TYK2: variants seen among roughly 807,000 people sequenced by gnomAD.
TYK2 encodes tyrosine kinase 2, also known as non-receptor tyrosine-protein kinase TYK2.
Under a neutral mutation model 130.9 loss-of-function variants are expected in TYK2, and 65 were observed. The ratio of observed to expected loss-of-function variants is 0.50; its 90% CI spans 0.41 to 0.61. The LOEUF is 0.61. TYK2 is among the 20% of genes least tolerant of loss of function. TYK2 has a pLI of 0.00. For synonymous variants in TYK2, 647 were observed against 658.9 expected, an observed-to-expected ratio of 0.98 and a Z score of 0.28; for missense variants, 1,378 against 1,610.7, an observed-to-expected ratio of 0.86 and a Z score of 2.47.
chr19:10,369,739 G>A (rs1366555837), intron 3 of TYK2: 4 of 453,754 alleles, frequency 8.8e-6, no homozygotes, highest in African/African-American at 2.0e-5. Flanking sequence ...TTCTACTGAT[G>A]TCATTTAAAA....
At chr19:10,378,701 C>T (rs1173971172) in intron 2 of TYK2, among the ~76,000 whole-genome samples, 8 of 152,172 alleles carry the variant, frequency 5.3e-5, no homozygotes, top group Admixed American at 5.2e-4. Flanking sequence ...TCTGCTCTGG[C>T]CAGGTACAGT....
chr19:10,354,654 C>A, intron 18 of TYK2, 45 bp from the exon 19 acceptor site: 1 of 1,515,282 alleles, frequency 6.6e-7, no homozygotes, highest in South Asian at 1.1e-5. Flanking sequence ...GATCCTTTCC[C>A]CAGCAGGCCC....
Position 10,362,549 on chromosome 19 carries a change from C to G in TYK2, c.1476G>C (p.Gln492His). Residue 492 changes from glutamine to histidine, a missense_variant and splice_region_variant, in exon 10 of 25, where the codon CAG (glutamine) becomes CAC (histidine). Coordinates refer to ENST00000525621, the MANE Select transcript of TYK2 (RefSeq NM_003331.5). ...CCCCAGCCCCCAGCCCTGGGCTCAC[C>G]TGGCTACGCTGGGCCACTGTGAGGA... ...RLILTVAQRS[Q>H]APDGMQSLRL... 3 of 1,554,738 alleles carry G rather than the reference C, an allele frequency of 1.9e-6. No homozygotes were observed. The highest frequency in any genetic ancestry group is 2.6e-6 in the Non-Finnish European group (3 of 1,148,754).
Position 10,353,050 on chromosome 19 carries a change from C to A in TYK2, c.3076G>T (p.Ala1026Ser). 6.3e-7 allele frequency: 1 copy of A among 1,589,962 alleles called. No homozygotes were observed. The highest frequency in any genetic ancestry group is 8.6e-7 in the Non-Finnish European group (1 of 1,166,808). ...AQHYIHRDLAARNVLLDNDRL... is the reference protein window; with the variant it reads ...AQHYIHRDLASRNVLLDNDRL... ...TCGTTGTCCAGCAGCACGTTGCGCG[C>A]GGCTAGGTCTCGGTGGATGTAGTGC... The change falls in exon 22 of 25, where the codon GCG (alanine) becomes TCG (serine). Residue 1026 changes from alanine (A) to serine (S), a missense_variant. Coordinates refer to ENST00000525621, the MANE Select transcript of TYK2 (RefSeq NM_003331.5). This position sits in a 1 kb window ranked among gnomAD's most constrained non-coding sequence, Gnocchi z 6.9.
rs1349839683 is a variant in TYK2 at position 10,364,086 on chromosome 19, C to G, written c.1367+528G>C. ...AGGACCCCGCTGAGATGGTGACTCA[C>G]AAGTTACCAGCACAGGCAGCCGCCT... On this transcript the variant is annotated intron_variant, in intron 9 of 24. Coordinates refer to ENST00000525621, the MANE Select transcript of TYK2 (RefSeq NM_003331.5). This position sits in a 1 kb window ranked among gnomAD's most constrained non-coding sequence, Gnocchi z 4.9. Among the ~76,000 whole-genome samples, 2 of 152,238 alleles carry G rather than the reference C, an allele frequency of 1.3e-5. No individual in the cohort carries two copies. Among genetic ancestry groups the G allele is most frequent in the Admixed American group, 6.5e-5 (1 of 15,280 alleles).
chr19:10,353,469 G>T lies in TYK2; in HGVS notation c.3027+59C>A. 1 of 1,295,846 alleles carries T rather than the reference G, an allele frequency of 7.7e-7. No homozygotes were observed. Among genetic ancestry groups the T allele is most frequent in the Non-Finnish European group, 1.0e-6 (1 of 959,122 alleles). 80.3% of individuals were successfully genotyped at this position (1,295,846 alleles called of 1,614,324 possible). A position where few individuals can be genotyped will look rare whatever the true frequency, so the allele number is the denominator to read the frequency against. ...GAGCAGACTGCACCGGATCGCTCAG[G>T]CCAGCCCAAGCTGAAGAGGAAGGGG... is the stretch of plus-strand genomic sequence containing the variant. On this transcript the variant is annotated intron_variant, in intron 21 of 24. Transcript: ENST00000525621. The surrounding 1 kb of genome is among the most constrained non-coding windows in gnomAD (Gnocchi z 6.9).
Position 10,358,054 on chromosome 19 carries a change from A to G in TYK2, c.2260T>C (p.Phe754Leu). The G allele has an allele frequency of 6.2e-7, 1 of 1,613,438 alleles. No homozygotes were observed. ...RLGLAEGTSP[F>L]IKLSDPGVGL... ...ACGCCAGGATCACTCAGCTTGATGA[A>G]GGGGCTGGTGCCCTCTGCCAACCCC... Residue 754 changes from phenylalanine to leucine, a missense_variant, in exon 16 of 25, where the codon TTC becomes CTC. Coordinates refer to ENST00000525621, the MANE Select transcript of TYK2 (RefSeq NM_003331.5).
At chr19:10,370,057 A>C (rs924277063) in intron 3 of TYK2, among the ~76,000 whole-genome samples, 6 of 150,124 alleles carry the variant, frequency 4.0e-5, no homozygotes, top group South Asian at 2.1e-4. Context: ...CAACACAACA[A>C]AACAAAACAA....
In TYK2 at chr19:10,353,364, T is replaced by C; in HGVS notation, c.3027+164A>G. 1.8e-6 allele frequency: 1 copy of C among 571,290 alleles called. No homozygotes were observed. Among genetic ancestry groups the C allele is most frequent in the South Asian group, 3.2e-5 (1 of 30,958 alleles). 35.4% of individuals were successfully genotyped at this position (571,290 alleles called of 1,614,324 possible). ...TGCGTGGTCCCTTGGGAGGAGGGGG[T>C]GTGGCCAAGCAAGCCAAACAGTTCG... On this transcript the variant is annotated intron_variant, in intron 21 of 24. Transcript: ENST00000525621. This position sits in a 1 kb window ranked among gnomAD's most constrained non-coding sequence, Gnocchi z 6.9.
At chr19:10,378,062 A>ATGGG (rs2042234259) in intron 3 of TYK2, 152 bp downstream of exon 3, 3 of 677,396 alleles carry the variant, frequency 4.4e-6, no homozygotes, top group South Asian at 1.8e-5. Flanking sequence ...GGGAGGGTGG[A>ATGGG]TGGGTGGGTG....
intron 3 of TYK2, among the ~76,000 whole-genome samples, chr19:10,373,948 C>A (rs1050617944): frequency 4.6e-5 from 7 of 152,080 alleles, no homozygotes. Context: ...TCACATCACC[C>A]GCACACCTGT....
chr19:10,352,257 T>C (rs1310956113), intron 23 of TYK2, among the ~76,000 whole-genome samples, 177 bp downstream of exon 23: 1 of 149,858 alleles, frequency 6.7e-6, no homozygotes, highest in East Asian at 2.0e-4. Flanking sequence ...GTATTTTTAG[T>C]AGAGACGGGT....
Position 10,364,581 on chromosome 19 carries a change from G to A in TYK2, c.1367+33C>T, listed in dbSNP as rs376751019. Reference sequence around the variant, plus strand: ...TCACAGTCTAGTTGGCACCCTTGGCGGTGGCCCCCAGCGCCCCCCACCCAG... The same window carrying A: ...TCACAGTCTAGTTGGCACCCTTGGCAGTGGCCCCCAGCGCCCCCCACCCAG... On this transcript the variant is annotated intron_variant, in intron 9 of 24. Transcript: ENST00000525621. This position sits in a 1 kb window ranked among gnomAD's most constrained non-coding sequence, Gnocchi z 4.9. 4.8e-5 allele frequency: 78 copies of A among 1,612,496 alleles called. No individual in the cohort carries two copies. The highest frequency in any genetic ancestry group is 1.7e-4 in the Middle Eastern group (1 of 6,040).
Position 10,366,518 on chromosome 19 carries a change from G to C in TYK2, c.528C>G (p.Ile176Met), listed in dbSNP as rs774432571. ...CCAGGCTCTCATTCTTAAAGTGGTG[G>C]ATCTCCTCCTCGGTCGACAGCTCCC... ...SLWELSTEEE[I>M]HHFKNESLGM... Residue 176 changes from isoleucine (I) to methionine (M), a missense_variant, in exon 6 of 25, where the codon ATC becomes ATG. By Grantham distance (10) the Ile-to-Met change is conservative. Coordinates refer to ENST00000525621, the MANE Select transcript of TYK2 (RefSeq NM_003331.5). 1 of 1,613,980 alleles carries C rather than the reference G, an allele frequency of 6.2e-7. No homozygotes were observed. Among genetic ancestry groups the C allele is most frequent in the Non-Finnish European group, 8.5e-7 (1 of 1,179,994 alleles).
intron 3 of TYK2, among the ~76,000 whole-genome samples, chr19:10,373,975 T>C (rs2042015067): frequency 6.6e-6 from 1 of 152,010 alleles, no homozygotes; most frequent in South Asian, 2.1e-4. Flanking sequence ...CCTTTAATAA[T>C]CAGTCATGGG....
chr19:10,362,568 G>C lies in TYK2; in HGVS notation c.1457C>G (p.Thr486Arg). ...GCTCACCTGGCTACGCTGGGCCACTGTGAGGATCAGGCGGTAGGGGTGGCT... is the reference window on the plus strand; with the variant it reads ...GCTCACCTGGCTACGCTGGGCCACTCTGAGGATCAGGCGGTAGGGGTGGCT... ...STSHPYRLIL[T>R]VAQRSQAPDG... is the part of the protein sequence containing the mutation. Residue 486 changes from threonine to arginine, a missense_variant, in exon 10 of 25, where the codon ACA becomes AGA. Thr to Arg is a moderately conservative substitution (Grantham distance 71). Coordinates refer to ENST00000525621, the MANE Select transcript of TYK2 (RefSeq NM_003331.5). 6.4e-7 allele frequency: 1 copy of C among 1,555,028 alleles called. No individual in the cohort carries two copies. Among genetic ancestry groups the C allele is most frequent in the South Asian group, 1.2e-5 (1 of 84,378 alleles).
At chr19:10,355,255 G>A (rs1045354981) in intron 18 of TYK2, among the ~76,000 whole-genome samples, 4 of 151,648 alleles carry the variant, frequency 2.6e-5, no homozygotes, top group African/African-American at 9.7e-5. Flanking sequence ...TCGTGCCTCT[G>A]AATAACCACC....
At chr19:10,362,748 G>A (rs1242714716) in intron 9 of TYK2, 91 bp from the exon 10 acceptor site, 8 of 1,101,648 alleles carry the variant, frequency 7.3e-6, no homozygotes, top group Non-Finnish European at 8.0e-6. Flanking sequence ...TACTTAGAGG[G>A]CACACACACA....
chr19:10,360,634 G>A (rs1189893368), intron 14 of TYK2, among the ~76,000 whole-genome samples: 1 of 151,810 alleles, frequency 6.6e-6, no homozygotes, highest in Non-Finnish European at 1.5e-5. Context: ...GAGGGATGTG[G>A]GTCAGGGTGT....
Sources: allele counts gnomAD v4.1 joint callset (sites outside exome capture counted in the v4.1 genomes callset), GRCh38; gene constraint gnomAD v4.1.1; non-coding constraint Gnocchi (gnomAD v3.1); transcripts MANE v1.5; gene names NCBI Gene and HGNC (gene_info 2026-07-23, HGNC 2026-07-21).